The following ENTPD6 variants were observed in gnomAD, a reference collection of about 807,000 sequenced individuals.
ENTPD6 encodes ectonucleoside triphosphate diphosphohydrolase 6.
ENTPD6 carries 46 observed loss-of-function variants against 61.5 expected under a neutral mutation model. That is an observed-to-expected ratio of 0.75 (90% CI 0.59 to 0.96). The LOEUF (loss-of-function observed/expected upper bound fraction) is 0.96. Among genes scored for constraint, ENTPD6 ranks in the 40% least tolerant of loss-of-function variants. The pLI is 0.00. For synonymous variants in ENTPD6, 252 were observed against 255.5 expected (o/e 0.99, Z 0.13); for missense variants, 612 against 629.0 (o/e 0.97, Z 0.29).
intron 13 of ENTPD6, 62 bp from the exon 14 acceptor site, chr20:25,225,143 C>G (rs1195099088): frequency 1.9e-6 from 3 of 1,556,794 alleles, no homozygotes; most frequent in Non-Finnish European, 2.6e-6. Flanking sequence ...GGGGTCTGCA[C>G]TTGCCCCTCC....
At chr20:25,208,587 C>T (rs2091701204) in intron 3 of ENTPD6, among the ~76,000 whole-genome samples, 1 of 152,126 alleles carries the variant, frequency 6.6e-6, no homozygotes, top group Non-Finnish European at 1.5e-5. Flanking sequence ...AGAGAAAAGA[C>T]TTTGCAAAAA....
In ENTPD6 at chr20:25,215,686, G is replaced by A. The variant is rs756988234; in HGVS notation, c.684G>A (p.Ala228=). ...IMNGTDEGVS[A]WITINFLTGS... is the part of the protein sequence containing the mutation. ...GACACTCTCTTGCAGGCGTTTCGGC[G>A]TGGATCACCATCAACTTCCTGACAG... The change falls in exon 7 of 15, where the codon GCG becomes GCA. Residue 228 remains alanine (A), a synonymous_variant. Transcript: ENST00000376652. 108 of 1,614,122 alleles carry A rather than the reference G, an allele frequency of 6.7e-5. No individual in the cohort carries two copies. Among genetic ancestry groups the A allele is most frequent in the South Asian group, 4.8e-4 (44 of 91,094 alleles).
intron 1 of ENTPD6, among the ~76,000 whole-genome samples, chr20:25,201,148 G>T (rs1193597642): frequency 6.6e-6 from 1 of 152,046 alleles, no homozygotes; most frequent in Admixed American, 6.5e-5. Context: ...TTGATTTCTG[G>T]TGTCACCCCA....
At chr20:25,197,343 G>C in intron 1 of ENTPD6, 1 of 743,402 alleles carries the variant, frequency 1.3e-6, no homozygotes, top group Non-Finnish European at 1.6e-6. Context: ...CTGCTGGAGG[G>C]TGGCCTCAGC....
In ENTPD6 at chr20:25,213,394, G is replaced by A; in HGVS notation, c.585G>A (p.Lys195=). 1 of 1,610,028 alleles carries A rather than the reference G, an allele frequency of 6.2e-7. No individual in the cohort carries two copies. The change falls in exon 5 of 15, where the codon AAG becomes AAA. Residue 195 remains lysine (K), a synonymous_variant. Transcript: ENST00000376652. ...TGTTACCTGGAGAAAAGGCCCAGAA[G>A]TTACTGCAGAAGGTGAGCCTGGCCA... is the stretch of plus-strand genomic sequence containing the variant. ...LRLLPGEKAQ[K]LLQKVKKVFK...
rs751262047 is a variant in ENTPD6 at position 25,213,397 on chromosome 20, A to G, written c.588A>G (p.Leu196=). 7 of 1,608,708 alleles carry G rather than the reference A, an allele frequency of 4.4e-6. No individual in the cohort carries two copies. The highest frequency in any genetic ancestry group is 5.9e-6 in the Non-Finnish European group (7 of 1,176,946). The change falls in exon 5 of 15, where the codon TTA becomes TTG. Residue 196 remains leucine, a synonymous_variant. Coordinates refer to ENST00000376652, the MANE Select transcript of ENTPD6 (RefSeq NM_001247.5). Reference sequence around the variant, plus strand: ...TACCTGGAGAAAAGGCCCAGAAGTTACTGCAGAAGGTGAGCCTGGCCATTC... The same window carrying G: ...TACCTGGAGAAAAGGCCCAGAAGTTGCTGCAGAAGGTGAGCCTGGCCATTC... The part of the protein sequence containing the change: ...RLLPGEKAQK[L]LQKVKKVFKA...
At position 25,214,863 on chromosome 20, in the gene ENTPD6, T is replaced by G. The variant is rs1326746319; in HGVS notation, c.598-4T>G. 6.9e-7 allele frequency: 1 copy of G among 1,452,026 alleles called. No individual in the cohort carries two copies. The highest frequency in any genetic ancestry group is 9.7e-7 in the Non-Finnish European group (1 of 1,032,546). The allele number at this position is 1,452,026 out of a possible 1,614,324, so 89.9% of individuals were successfully genotyped here. On this transcript the variant is annotated splice_region_variant and splice_polypyrimidine_tract_variant and intron_variant, in intron 5 of 14. Coordinates refer to ENST00000376652, the MANE Select transcript of ENTPD6 (RefSeq NM_001247.5). ...GATGAAGTAACATCTCTCTTTACAT[T>G]TAGGTGAAAAAAGTATTTAAAGCAT...
At chr20:25,205,866 C>G (rs3787075) in intron 1 of ENTPD6, among the ~76,000 whole-genome samples, 41,180 of 152,174 alleles carry the variant, frequency 0.27, 6,529 homozygotes, top group East Asian at 0.61. Flanking sequence ...GCCTGCTCCC[C>G]GTGCTTTGCC....
At chr20:25,211,593 A>G (rs1016833144) in intron 4 of ENTPD6, among the ~76,000 whole-genome samples, 1 of 152,210 alleles carries the variant, frequency 6.6e-6, no homozygotes, top group African/African-American at 2.4e-5. Context: ...GCTGAGCAGG[A>G]TAATTAGAGA....
Position 25,227,636 on chromosome 20 carries a change from C to T in ENTPD6, c.*2039C>T, listed in dbSNP as rs3746337. 0.42 allele frequency among the ~76,000 whole-genome samples: 64,652 copies of T among 152,138 alleles called. 15,365 individuals carry two copies. The highest frequency in any genetic ancestry group is 0.92 in the East Asian group (4,757 of 5,174). On this transcript the variant is annotated 3_prime_UTR_variant, in exon 15 of 15. Coordinates refer to ENST00000376652, the MANE Select transcript of ENTPD6 (RefSeq NM_001247.5). ...AAATTCTGTTCCCTCAGGATGTGTGCATTGACAAGCTCAGACAGGTCTCAC... is the reference window on the plus strand; with the variant it reads ...AAATTCTGTTCCCTCAGGATGTGTGTATTGACAAGCTCAGACAGGTCTCAC...
rs73339040 is a variant in ENTPD6 at position 25,206,699 on chromosome 20, C to T, written c.54+109C>T. The T allele has an allele frequency of 0.023, 19,387 of 849,080 alleles. 1,944 individuals are homozygous for T. In the African/African-American group the frequency reaches 0.25, roughly 11 times the overall value. The allele number at this position is 849,080 out of a possible 1,614,324, so 52.6% of individuals were successfully genotyped here. On this transcript the variant is annotated intron_variant, in intron 2 of 14. Transcript: ENST00000376652. ...GAGGATTGAAAGACTGAATCAGATA[C>T]GCGCTTCTGTTCCCATGAACAGTTT... is the stretch of plus-strand genomic sequence containing the variant.
intron 4 of ENTPD6, among the ~76,000 whole-genome samples, chr20:25,212,366 C>T (rs1351073000): frequency 6.6e-6 from 1 of 152,198 alleles, no homozygotes; most frequent in Non-Finnish European, 1.5e-5. Flanking sequence ...TGAGGCGCAC[C>T]TGAGATCGCC....
intron 1 of ENTPD6, among the ~76,000 whole-genome samples, chr20:25,202,978 C>T (rs1408628774): frequency 2.0e-5 from 3 of 152,222 alleles, no homozygotes; most frequent in African/African-American, 7.2e-5. Flanking sequence ...TGAACACGCA[C>T]ATCTTTTATT....
At chr20:25,222,722 C>T in intron 11 of ENTPD6, 116 bp from the exon 12 acceptor site, 1 of 1,415,152 alleles carries the variant, frequency 7.1e-7, no homozygotes, top group Non-Finnish European at 9.5e-7. Context: ...GCTTCTGGAC[C>T]TGCCTTTTCC....
In ENTPD6 at chr20:25,195,792, C is replaced by T. The variant is rs2090317035; in HGVS notation, c.-91C>T. On this transcript the variant is annotated 5_prime_UTR_variant, in exon 1 of 15. Transcript: ENST00000376652. Reference sequence around the variant, plus strand: ...GTGGCGCCGGCCGGGGCGGGGGAGCCCAAAAGACCGGCTGCCGCCTGCTCC... The same window carrying T: ...GTGGCGCCGGCCGGGGCGGGGGAGCTCAAAAGACCGGCTGCCGCCTGCTCC... The T allele has an allele frequency of 8.2e-7, 1 of 1,214,320 alleles. No homozygotes were observed. 75.2% of individuals were successfully genotyped at this position (1,214,320 alleles called of 1,614,324 possible). A position where few individuals can be genotyped will look rare whatever the true frequency, so the allele number is the denominator to read the frequency against.
intron 1 of ENTPD6, among the ~76,000 whole-genome samples, chr20:25,197,556 A>G (rs532979209): frequency 6.6e-6 from 1 of 152,230 alleles, no homozygotes; most frequent in African/African-American, 2.4e-5. Context: ...AGTGGTTCCC[A>G]CAGAAACCCC....
chr20:25,223,035 G>GGGGGGGGGGTGT, intron 12 of ENTPD6, 57 bp downstream of exon 12: 1 of 1,109,614 alleles, frequency 9.0e-7, no homozygotes, highest in Non-Finnish European at 1.3e-6. Flanking sequence ...GGCGGGGGTG[G>GGGGGGGGGGTGT]AGGGCGTGTG....
At chr20:25,198,721 A>G (rs976392199) in intron 1 of ENTPD6, among the ~76,000 whole-genome samples, 30 of 137,830 alleles carry the variant, frequency 2.2e-4, no homozygotes, top group African/African-American at 7.4e-4. Flanking sequence ...TGGAACGGAC[A>G]TTCCTAGTGC....
chr20:25,209,463 G>A (rs2091794596), intron 3 of ENTPD6, among the ~76,000 whole-genome samples: 1 of 151,862 alleles, frequency 6.6e-6, no homozygotes, highest in African/African-American at 2.4e-5. Context: ...TGCACCTGTA[G>A]TCCCAGCTAC....
Sources: allele counts gnomAD v4.1 joint callset (sites outside exome capture counted in the v4.1 genomes callset), GRCh38; gene constraint gnomAD v4.1.1; transcripts MANE v1.5; gene names NCBI Gene and HGNC (gene_info 2026-07-23, HGNC 2026-07-21).